Variants in ATG10 observed in about 807,000 individuals in gnomAD.
ATG10 encodes the protein ubiquitin-like-conjugating enzyme ATG10.
ATG10 carries 30 observed loss-of-function variants against 32.1 expected under a neutral mutation model. The ratio of observed to expected loss-of-function variants is 0.94; its 90% confidence interval spans 0.70 to 1.27. The LOEUF (loss-of-function observed/expected upper bound fraction) is 1.27. ATG10 is among the 50% of genes most tolerant of loss of function. The pLI is 0.00. For synonymous variants in ATG10, 87 were observed against 91.5 expected (o/e 0.95, Z 0.28); for missense variants, 233 against 262.3 (o/e 0.89, Z 0.77).
intron 5 of ATG10, among the ~76,000 whole-genome samples, chr5:82,219,045 TCTTA>T (rs879624828): frequency 3.3e-5 from 5 of 152,198 alleles, no homozygotes; most frequent in Admixed American, 6.5e-5. Flanking sequence ...TTCTGTAATA[TCTTA>T]CTTAAAAATT....
At chr5:82,023,770 T>A (rs1762514393) in intron 2 of ATG10, among the ~76,000 whole-genome samples, 1 of 152,374 alleles carries the variant, frequency 6.6e-6, no homozygotes, top group Middle Eastern at 3.4e-3. Flanking sequence ...TTTATTCTTT[T>A]GCACTGGTTT....
At chr5:82,125,613 G>A (rs1239695521) in intron 3 of ATG10, among the ~76,000 whole-genome samples, 2 of 152,126 alleles carry the variant, frequency 1.3e-5, no homozygotes. Flanking sequence ...TGAGGCCTCT[G>A]TTCTGTTCCA....
intron 5 of ATG10, among the ~76,000 whole-genome samples, chr5:82,251,500 A>G (rs1489856635): frequency 6.6e-6 from 1 of 152,212 alleles, no homozygotes; most frequent in Non-Finnish European, 1.5e-5. Context: ...GAGGTCTGGC[A>G]TGCTGAACCT....
At chr5:82,017,302 G>A (rs1003562623) in intron 2 of ATG10, among the ~76,000 whole-genome samples, 1 of 152,096 alleles carries the variant, frequency 6.6e-6, no homozygotes, top group Non-Finnish European at 1.5e-5. Flanking sequence ...ACCAGTTCTA[G>A]GAGCTTTTTG....
intron 3 of ATG10, among the ~76,000 whole-genome samples, chr5:82,100,863 T>C (rs529576359): frequency 2.0e-5 from 3 of 149,028 alleles, no homozygotes; most frequent in Admixed American, 6.8e-5. Flanking sequence ...CATAAGGCTG[T>C]CTTGGTATGG....
chr5:81,978,491 G>A (rs578252332), intron 1 of ATG10, among the ~76,000 whole-genome samples: 14 of 152,164 alleles, frequency 9.2e-5, no homozygotes, highest in Non-Finnish European at 1.8e-4. Context: ...ACTACCCACT[G>A]TTCAAAGGCA....
chr5:82,239,418 G>T (rs571595041), intron 5 of ATG10, among the ~76,000 whole-genome samples: 8 of 152,212 alleles, frequency 5.3e-5, no homozygotes, highest in South Asian at 2.1e-4. Flanking sequence ...GTGCCCTCAA[G>T]GAATTAAAGA....
intron 5 of ATG10, among the ~76,000 whole-genome samples, chr5:82,246,952 A>G (rs897960038): frequency 4.6e-5 from 7 of 152,096 alleles, no homozygotes; most frequent in Admixed American, 6.6e-5. Flanking sequence ...TTTTTCCCTC[A>G]TTACTCTGAA....
intron 2 of ATG10, among the ~76,000 whole-genome samples, chr5:82,011,532 T>C (rs1167876860): frequency 1.3e-5 from 2 of 152,296 alleles, no homozygotes; most frequent in East Asian, 3.9e-4. Context: ...TATAGTTCAG[T>C]CTCCTTAGCT....
At chr5:82,237,216 A>G (rs1746594638) in intron 5 of ATG10, among the ~76,000 whole-genome samples, 1 of 152,176 alleles carries the variant, frequency 6.6e-6, no homozygotes, top group African/African-American at 2.4e-5. Context: ...AAGTTGGTAC[A>G]TCTCTCTTAA....
At chr5:82,035,628 A>G (rs1051999072) in intron 2 of ATG10, among the ~76,000 whole-genome samples, 2 of 151,772 alleles carry the variant, frequency 1.3e-5, no homozygotes, top group Non-Finnish European at 2.9e-5. Context: ...AATGTTGAGC[A>G]TATTTTTATA....
intron 2 of ATG10, among the ~76,000 whole-genome samples, chr5:82,042,780 A>G (rs550751191): frequency 1.4e-3 from 220 of 152,290 alleles, no homozygotes; most frequent in Non-Finnish European, 1.7e-3. Flanking sequence ...CTTTGACTCC[A>G]TGTCTCATAT....
intron 2 of ATG10, among the ~76,000 whole-genome samples, chr5:82,051,707 G>A (rs1375313398): frequency 1.3e-5 from 2 of 152,134 alleles, no homozygotes; most frequent in African/African-American, 4.8e-5. Context: ...TACTGGGATT[G>A]GGTGGATATT....
intron 1 of ATG10, among the ~76,000 whole-genome samples, chr5:81,984,767 C>CT (rs1298975377): frequency 6.6e-6 from 1 of 152,114 alleles, no homozygotes; most frequent in East Asian, 1.9e-4. Flanking sequence ...AACTTGAAAA[C>CT]TATGTATAAA....
intron 3 of ATG10, among the ~76,000 whole-genome samples, chr5:82,162,968 T>A (rs1201502351): frequency 1.3e-5 from 2 of 152,014 alleles, no homozygotes; most frequent in African/African-American, 4.8e-5. Context: ...AGTGCTGAGA[T>A]GAGGGGAATT....
intron 3 of ATG10, among the ~76,000 whole-genome samples, chr5:82,063,884 C>T (rs1345345929): frequency 6.6e-6 from 1 of 152,072 alleles, no homozygotes; most frequent in Non-Finnish European, 1.5e-5. Flanking sequence ...GGGTAATAGG[C>T]TTAATATCTG....
chr5:82,070,261 G>T (rs939447997), intron 3 of ATG10, among the ~76,000 whole-genome samples: 1 of 150,480 alleles, frequency 6.6e-6, no homozygotes, highest in Non-Finnish European at 1.5e-5. Flanking sequence ...ACTAAATCTC[G>T]TCTCTATGCT....
chr5:82,136,610 G>T (rs1209977929), intron 3 of ATG10, among the ~76,000 whole-genome samples: 2 of 152,072 alleles, frequency 1.3e-5, no homozygotes, highest in African/African-American at 4.8e-5. Context: ...TAGTCTGATG[G>T]GCTTCCCTTT....
At chr5:82,133,164 A>C (rs548210314) in intron 3 of ATG10, among the ~76,000 whole-genome samples, 20 of 152,188 alleles carry the variant, frequency 1.3e-4, no homozygotes, top group African/African-American at 4.6e-4. Flanking sequence ...AGATTGCAAA[A>C]ATTTTCTCCC....
Sources: allele counts gnomAD v4.1 joint callset (sites outside exome capture counted in the v4.1 genomes callset), GRCh38; gene constraint gnomAD v4.1.1; transcripts MANE v1.5; gene names NCBI Gene and HGNC (gene_info 2026-07-23, HGNC 2026-07-21).